POU6F2: variants seen among roughly 807,000 people sequenced by gnomAD.
The protein encoded by POU6F2 is POU domain, class 6, transcription factor 2.
Under a neutral mutation model 71.3 loss-of-function variants are expected in POU6F2, and 31 were observed. That is an observed-to-expected ratio of 0.43 (90% confidence interval 0.33 to 0.59). POU6F2 has a LOEUF of 0.59. POU6F2 is among the 20% of genes least tolerant of loss of function. The probability of loss-of-function intolerance (pLI) is 0.04; values close to 1 mark genes in which losing one functional copy is unlikely to be tolerated. For missense variants in POU6F2, 783 were observed against 856.8 expected (o/e 0.91, Z 1.07); for synonymous variants, 347 against 355.7 (o/e 0.98, Z 0.27).
intron 1 of POU6F2, among the ~76,000 whole-genome samples, chr7:38,985,282 G>A (rs1355480015): frequency 1.3e-5 from 2 of 152,058 alleles, no homozygotes; most frequent in South Asian, 2.1e-4. Context: ...TCTCCAAAAG[G>A]TTGAGAGTTA....
At chr7:39,128,118 G>C (rs1366995838) in intron 2 of POU6F2, among the ~76,000 whole-genome samples, 5 of 152,096 alleles carry the variant, frequency 3.3e-5, no homozygotes, top group African/African-American at 1.2e-4. Flanking sequence ...TAGGATTACA[G>C]GTGTGAGCCA....
chr7:39,348,836 C>G (rs112228967), intron 5 of POU6F2, among the ~76,000 whole-genome samples: 1 of 152,100 alleles, frequency 6.6e-6, no homozygotes, highest in African/African-American at 2.4e-5. Context: ...ATATCCTGTT[C>G]CTGTATATTT....
At chr7:39,113,229 TTTTA>T (rs1258742468) in intron 2 of POU6F2, among the ~76,000 whole-genome samples, 4 of 152,058 alleles carry the variant, frequency 2.6e-5, no homozygotes, top group African/African-American at 9.7e-5. Context: ...TTTCGTTCTG[TTTTA>T]TTTTATTTTT....
chr7:39,195,652 C>G (rs375030040), intron 2 of POU6F2, among the ~76,000 whole-genome samples: 4 of 151,902 alleles, frequency 2.6e-5, no homozygotes, highest in Non-Finnish European at 4.4e-5. Context: ...TTAACAGTCT[C>G]GGTGAGTAAA....
intron 2 of POU6F2, among the ~76,000 whole-genome samples, chr7:39,145,603 AT>A (rs1792604365): frequency 6.6e-6 from 1 of 152,180 alleles, no homozygotes; most frequent in Admixed American, 6.5e-5. Flanking sequence ...GCTCCGAAAT[AT>A]TCTCACCCTT....
At chr7:39,082,634 G>A (rs958282090) in intron 1 of POU6F2, among the ~76,000 whole-genome samples, 3 of 152,102 alleles carry the variant, frequency 2.0e-5, no homozygotes, top group South Asian at 2.1e-4. Context: ...CTTCCAAGCC[G>A]AGTGCTACTT....
At chr7:39,129,869 C>G (rs1208442408) in intron 2 of POU6F2, among the ~76,000 whole-genome samples, 1 of 151,918 alleles carries the variant, frequency 6.6e-6, no homozygotes, top group Non-Finnish European at 1.5e-5. Flanking sequence ...TGAAACCATC[C>G]TGGCTAACAC....
intron 1 of POU6F2, among the ~76,000 whole-genome samples, chr7:38,980,849 A>T (rs1009936324): frequency 6.6e-6 from 1 of 152,196 alleles, no homozygotes; most frequent in Non-Finnish European, 1.5e-5. Flanking sequence ...TGAAATATCC[A>T]CAGTTGCTTC....
chr7:38,995,623 G>A (rs1788713907), intron 1 of POU6F2, among the ~76,000 whole-genome samples: 1 of 152,020 alleles, frequency 6.6e-6, no homozygotes, highest in African/African-American at 2.4e-5. Context: ...TTGAGGCAGG[G>A]GCCATATTTT....
At chr7:39,041,316 T>G (rs1388234712) in intron 1 of POU6F2, among the ~76,000 whole-genome samples, 2 of 152,046 alleles carry the variant, frequency 1.3e-5, no homozygotes, top group Non-Finnish European at 2.9e-5. Flanking sequence ...GATGCTTATA[T>G]AATTGAGGTA....
chr7:39,188,974 T>A lies in POU6F2; in HGVS notation c.278-15261T>A, dbSNP rs1793602036. On this transcript the variant is annotated intron_variant, in intron 2 of 9. Coordinates refer to ENST00000518318, the MANE Select transcript of POU6F2 (RefSeq NM_001370959.1). Reference sequence around the variant, plus strand: ...CAAATGTATCTCCCTGTACAAAAATTGTATAATTAGCATTAGATAGCATTA... The same window carrying A: ...CAAATGTATCTCCCTGTACAAAAATAGTATAATTAGCATTAGATAGCATTA... Among the ~76,000 whole-genome samples the A allele has an allele frequency of 4.6e-5, 7 of 152,216 alleles. No homozygotes were observed. In the South Asian group the frequency reaches 1.5e-3, roughly 32 times the overall value.
chr7:39,234,373 G>A (rs1794633667), intron 4 of POU6F2, among the ~76,000 whole-genome samples: 1 of 152,124 alleles, frequency 6.6e-6, no homozygotes, highest in Non-Finnish European at 1.5e-5. Flanking sequence ...AGAGAACACG[G>A]TAGACATGGT....
chr7:39,037,620 T>C (rs1019778774), intron 1 of POU6F2, among the ~76,000 whole-genome samples: 2 of 152,066 alleles, frequency 1.3e-5, no homozygotes, highest in African/African-American at 4.8e-5. Flanking sequence ...ATTTGGCAAA[T>C]AAAGAGATAC....
intron 4 of POU6F2, among the ~76,000 whole-genome samples, chr7:39,224,100 T>C (rs941630149): frequency 6.6e-6 from 1 of 152,106 alleles, no homozygotes; most frequent in Admixed American, 6.5e-5. Context: ...TAGCCACAAA[T>C]AGAATGCAGG....
chr7:39,193,313 C>T (rs1461087987), intron 2 of POU6F2, among the ~76,000 whole-genome samples: 1 of 152,172 alleles, frequency 6.6e-6, no homozygotes, highest in Non-Finnish European at 1.5e-5. Flanking sequence ...CCACTCTTCC[C>T]CTTCCCCCAC....
At chr7:39,331,200 C>A (rs1200105767) in intron 4 of POU6F2, among the ~76,000 whole-genome samples, 2 of 152,140 alleles carry the variant, frequency 1.3e-5, no homozygotes, top group African/African-American at 4.8e-5. Context: ...TAGGTTGATT[C>A]CATATCTTGG....
chr7:39,397,477 GAC>G (rs67936294), intron 5 of POU6F2, among the ~76,000 whole-genome samples: 57,547 of 124,966 alleles, frequency 0.46, 11,953 homozygotes, highest in East Asian at 0.72. Context: ...CATAGAGAGA[GAC>G]ATATATATAT....
At chr7:39,012,013 C>T (rs955104974) in intron 1 of POU6F2, among the ~76,000 whole-genome samples, 1 of 152,022 alleles carries the variant, frequency 6.6e-6, no homozygotes, top group Non-Finnish European at 1.5e-5. Context: ...TGGAGTTGCT[C>T]TTCTCGAGGA....
chr7:39,371,750 A>T (rs1583557062), intron 5 of POU6F2, among the ~76,000 whole-genome samples: 1 of 152,334 alleles, frequency 6.6e-6, no homozygotes, highest in East Asian at 1.9e-4. Context: ...CTCAAGGTAG[A>T]CAATTAGTTA....
Sources: gnomAD v4.1 joint callset for allele counts (sites outside exome capture counted in the v4.1 genomes callset) on GRCh38, gnomAD v4.1.1 for gene constraint, MANE v1.5 for transcripts, NCBI Gene and HGNC (gene_info 2026-07-23, HGNC 2026-07-21) for gene names.